TPH2: variants seen among roughly 807,000 people sequenced by gnomAD.
TPH2 encodes tryptophan hydroxylase 2, also known as tryptophan 5-hydroxylase 2.
In TPH2, 27 loss-of-function variants were observed where a neutral mutation model predicts 59.1. That is an observed-to-expected ratio of 0.46 (90% CI 0.34 to 0.63). The LOEUF (loss-of-function observed/expected upper bound fraction) is 0.63, where lower values mean the gene tolerates loss of function less well. Among genes scored for constraint, TPH2 ranks in the 30% least tolerant of loss-of-function variants. The pLI, the probability that TPH2 is intolerant of heterozygous loss-of-function variation, is 0.01. For synonymous variants in TPH2, 220 were observed against 210.5 expected (o/e 1.05, Z -0.39); for missense variants, 523 against 588.3 (o/e 0.89, Z 1.15).
At chr12:72,005,477 T>A (rs1872930458) in intron 8 of TPH2, among the ~76,000 whole-genome samples, 1 of 152,186 alleles carries the variant, frequency 6.6e-6, no homozygotes, top group African/African-American at 2.4e-5. Flanking sequence ...ATAAACACTC[T>A]TAACATTTTG....
In TPH2 at chr12:72,032,386, A is replaced by G. The variant is rs954617259; in HGVS notation, c.*691A>G. 2 of 152,770 alleles carry G rather than the reference A, an allele frequency of 1.3e-5. No homozygotes were observed. The highest frequency in any genetic ancestry group is 4.8e-5 in the African/African-American group (2 of 41,436). The allele number at this position is 152,770 out of a possible 1,614,324, so 9.5% of individuals were successfully genotyped here. ...GACATTAGGAAAGACTAAACAGTGG[A>G]CAATCAATCTTGGGACTATGAATTT... On this transcript the variant is annotated 3_prime_UTR_variant, in exon 11 of 11. Coordinates refer to ENST00000333850, the MANE Select transcript of TPH2 (RefSeq NM_173353.4).
At chr12:71,973,819 A>C (rs986650716) in intron 6 of TPH2, among the ~76,000 whole-genome samples, 2 of 152,160 alleles carry the variant, frequency 1.3e-5, no homozygotes, top group Non-Finnish European at 2.9e-5. Context: ...AATACTTTAC[A>C]TTATAATTTG....
intron 9 of TPH2, among the ~76,000 whole-genome samples, chr12:72,024,534 C>G (rs1256929259): frequency 6.6e-6 from 1 of 152,226 alleles, no homozygotes; most frequent in Non-Finnish European, 1.5e-5. Flanking sequence ...GCCATATCCC[C>G]AATAAGGGCA....
chr12:71,980,559 G>A (rs1872246588), intron 7 of TPH2, among the ~76,000 whole-genome samples: 3 of 151,998 alleles, frequency 2.0e-5, no homozygotes, highest in Non-Finnish European at 4.4e-5. Context: ...GTAAACAGAG[G>A]TTACTTATAG....
intron 4 of TPH2, among the ~76,000 whole-genome samples, chr12:71,947,397 C>G (rs536963625): frequency 6.6e-6 from 1 of 151,308 alleles, no homozygotes. Flanking sequence ...CTTCAATTTC[C>G]TTTGATTTCA....
Position 72,031,687 on chromosome 12 carries a change from G to A in TPH2, c.1465G>A (p.Gly489Arg), listed in dbSNP as rs762457808. 6.2e-7 allele frequency: 1 copy of A among 1,613,302 alleles called. No individual in the cohort carries two copies. Among genetic ancestry groups the A allele is most frequent in the South Asian group, 1.1e-5 (1 of 91,068 alleles). Residue 489 changes from glycine (G) to arginine (R), a missense_variant, in exon 11 of 11, where the codon GGG (glycine) becomes AGG (arginine). Gly to Arg is a moderately radical substitution (Grantham distance 125). Coordinates refer to ENST00000333850, the MANE Select transcript of TPH2 (RefSeq NM_173353.4). ...TTTAAACAAAATGAACCAATATCTG[G>A]GGATTTGATGCCTGGAACTATGTTG... ...DALNKMNQYLGI is the reference protein window; with the variant it reads ...DALNKMNQYLRI
rs1871718906 is a variant in TPH2 at position 71,962,680 on chromosome 12, CTGAT to C, written c.609-9829_609-9826del. On this transcript the variant is annotated intron_variant, in intron 5 of 10. Coordinates refer to ENST00000333850, the MANE Select transcript of TPH2 (RefSeq NM_173353.4). ...ATTTAAATCTGTGTTTTGCTTTAGG[CTGAT>C]TGATTGATTTACTCACTTAACAAAT... 8 of 983,736 alleles carry C rather than the reference CTGAT, an allele frequency of 8.1e-6. No individual in the cohort carries two copies. The South Asian group carries it at 1.9e-4, about 23-fold the overall frequency. The allele number at this position is 983,736 out of a possible 1,614,324, so 60.9% of individuals were successfully genotyped here. A position where few individuals can be genotyped will look rare whatever the true frequency, so the allele number is the denominator to read the frequency against.
intron 8 of TPH2, among the ~76,000 whole-genome samples, chr12:72,012,011 G>T (rs1303167018): frequency 1.3e-5 from 2 of 152,236 alleles, no homozygotes; most frequent in Non-Finnish European, 2.9e-5. Flanking sequence ...GCTGAGGTTA[G>T]TAATGACTCA....
intron 6 of TPH2, among the ~76,000 whole-genome samples, chr12:71,975,153 C>G (rs1423409293): frequency 6.6e-6 from 1 of 152,126 alleles, no homozygotes; most frequent in Non-Finnish European, 1.5e-5. Context: ...TCGAGACCAG[C>G]CTGGCCAACA....
chr12:72,031,945 GC>G lies in TPH2; in HGVS notation c.*251del. The G allele has an allele frequency of 2.0e-6, 1 of 501,604 alleles. No individual in the cohort carries two copies. Among genetic ancestry groups the G allele is most frequent in the South Asian group, 2.1e-5 (1 of 48,076 alleles). 31.1% of individuals were successfully genotyped at this position (501,604 alleles called of 1,614,324 possible). Reference sequence around the variant, plus strand: ...CATCTTAAAAAGATTTGACATTCCTGCTTAGTGTCCTTAACCAAACTGCATC... The same window carrying G: ...CATCTTAAAAAGATTTGACATTCCTGTTAGTGTCCTTAACCAAACTGCATC... On this transcript the variant is annotated 3_prime_UTR_variant, in exon 11 of 11. Coordinates refer to ENST00000333850, the MANE Select transcript of TPH2 (RefSeq NM_173353.4).
chr12:71,949,580 T>C lies in TPH2; in HGVS notation c.541-8T>C. On this transcript the variant is annotated splice_region_variant and splice_polypyrimidine_tract_variant and intron_variant, in intron 4 of 10. Transcript: ENST00000333850. ...TTGTTAAATAACTTAATCTTTTTTG[T>C]GTTTAAGGGATTTAAGGACAATGTC... is the stretch of plus-strand genomic sequence containing the variant. 15 of 1,611,464 alleles carry C rather than the reference T, an allele frequency of 9.3e-6. No homozygotes were observed. The highest frequency in any genetic ancestry group is 1.2e-5 in the Non-Finnish European group (14 of 1,177,868).
chr12:71,961,001 G>A (rs1475706169), intron 5 of TPH2, among the ~76,000 whole-genome samples: 9 of 152,306 alleles, frequency 5.9e-5, no homozygotes, highest in African/African-American at 2.2e-4. Context: ...TGGCCAGGAT[G>A]TTTTACAGAT....
chr12:71,997,327 G>A (rs576566247), intron 8 of TPH2, among the ~76,000 whole-genome samples: 1 of 152,302 alleles, frequency 6.6e-6, no homozygotes, highest in African/African-American at 2.4e-5. Context: ...GTCTCACTAT[G>A]TATGGCCATC....
At position 71,995,885 on chromosome 12, in the gene TPH2, T is replaced by A. The variant is rs143314051; in HGVS notation, c.1068+1320T>A. On this transcript the variant is annotated intron_variant, in intron 8 of 10. Transcript: ENST00000333850. Reference sequence around the variant, plus strand: ...CCATTATAGCTGAAGAAAATATATTTGTAGACTGAATCTAGATCTTGGCTT... The same window carrying A: ...CCATTATAGCTGAAGAAAATATATTAGTAGACTGAATCTAGATCTTGGCTT... 4.5e-3 allele frequency among the ~76,000 whole-genome samples: 691 copies of A among 152,348 alleles called. 27 individuals carry two copies. Among genetic ancestry groups the A allele is most frequent in the Non-Finnish European group, 9.7e-4 (66 of 68,028 alleles).
chr12:71,939,311 C>T (rs1228406158), intron 1 of TPH2, among the ~76,000 whole-genome samples: 1 of 148,960 alleles, frequency 6.7e-6, no homozygotes, highest in Admixed American at 6.8e-5. Flanking sequence ...ACTTTTTTTC[C>T]GCAAAGTTTG....
chr12:71,974,628 A>G (rs1030267551), intron 6 of TPH2, among the ~76,000 whole-genome samples: 7 of 152,308 alleles, frequency 4.6e-5, no homozygotes, highest in South Asian at 2.1e-4. Context: ...CTCTTTTGCC[A>G]TGTAAGGTCA....
At chr12:72,005,810 G>T (rs2139231510) in intron 8 of TPH2, among the ~76,000 whole-genome samples, 1 of 152,202 alleles carries the variant, frequency 6.6e-6, no homozygotes, top group South Asian at 2.1e-4. Flanking sequence ...TTTAATTAAA[G>T]AATTGTTTTC....
intron 7 of TPH2, among the ~76,000 whole-genome samples, chr12:71,982,817 A>C (rs1381486063): frequency 6.6e-6 from 1 of 152,236 alleles, no homozygotes; most frequent in Non-Finnish European, 1.5e-5. Flanking sequence ...GGTAGAAATG[A>C]GCATGAAGCA....
chr12:71,981,783 C>T (rs1300099918), intron 7 of TPH2, among the ~76,000 whole-genome samples: 3 of 151,886 alleles, frequency 2.0e-5, no homozygotes, highest in African/African-American at 7.3e-5. Flanking sequence ...CTGTGAGGTG[C>T]CCATGGCTGG....
Sources: allele counts gnomAD v4.1 joint callset (sites outside exome capture counted in the v4.1 genomes callset), GRCh38; gene constraint gnomAD v4.1.1; transcripts MANE v1.5; gene names NCBI Gene and HGNC (gene_info 2026-07-23, HGNC 2026-07-21).